ENTREP2: variants seen among roughly 807,000 people sequenced by gnomAD.
The protein encoded by ENTREP2 is endosomal transmembrane epsin interactor 2.
the ENTREP2 span, among the ~76,000 whole-genome samples, chr15:29,408,043 T>A: frequency 6.6e-6 from 1 of 151,978 alleles, no homozygotes; most frequent in Non-Finnish European, 1.5e-5. Context: ...GTAGGTGAAA[T>A]CTGAGGGACC....
the ENTREP2 span, among the ~76,000 whole-genome samples, chr15:29,356,345 C>T: frequency 1.6e-4 from 18 of 113,674 alleles, no homozygotes; most frequent in Non-Finnish European, 2.5e-4. Flanking sequence ...CTCGCTCTGT[C>T]GCCCAGGCTG....
the ENTREP2 span, chr15:29,269,647 T>C: frequency 1.1e-5 from 17 of 1,572,762 alleles, no homozygotes; most frequent in South Asian, 2.0e-4. Flanking sequence ...ATGGCTCCAG[T>C]CTCTGTCCCT....
the ENTREP2 span, among the ~76,000 whole-genome samples, chr15:29,255,057 A>C: frequency 6.6e-6 from 1 of 152,170 alleles, no homozygotes; most frequent in Admixed American, 6.5e-5. Context: ...CTTTCAACAC[A>C]ACTCCAGTAG....
chr15:29,623,727 A>G, the ENTREP2 span, among the ~76,000 whole-genome samples: 1 of 152,134 alleles, frequency 6.6e-6, no homozygotes, highest in Non-Finnish European at 1.5e-5. Context: ...GGAGAAAAAA[A>G]GTCACTACTG....
the ENTREP2 span, among the ~76,000 whole-genome samples, chr15:29,330,450 A>G: frequency 6.6e-6 from 1 of 152,088 alleles, no homozygotes; most frequent in African/African-American, 2.4e-5. Context: ...CTCTGTCTCA[A>G]AAAAAATAAA....
the ENTREP2 span, among the ~76,000 whole-genome samples, chr15:29,144,966 G>C: frequency 3.2e-3 from 487 of 152,288 alleles, no homozygotes; most frequent in African/African-American, 0.011. Flanking sequence ...TGAGGCAGGA[G>C]AATCACTTGA....
At chr15:29,585,176 A>G in the ENTREP2 span, among the ~76,000 whole-genome samples, 1 of 152,196 alleles carries the variant, frequency 6.6e-6, no homozygotes, top group Non-Finnish European at 1.5e-5. Flanking sequence ...TGAGTGCTTT[A>G]TAAGACAACA....
chr15:29,564,250 G>C, the ENTREP2 span, among the ~76,000 whole-genome samples: 25 of 152,342 alleles, frequency 1.6e-4, no homozygotes, highest in Admixed American at 1.2e-3. Flanking sequence ...AGCTCAGAAA[G>C]ATCTCTTGCC....
the ENTREP2 span, among the ~76,000 whole-genome samples, chr15:29,564,656 T>C: frequency 5.9e-5 from 9 of 152,146 alleles, no homozygotes; most frequent in East Asian, 1.9e-4. Flanking sequence ...CAGACTTCCA[T>C]CCTACTTTAA....
At chr15:29,212,290 A>C in the ENTREP2 span, among the ~76,000 whole-genome samples, 1 of 151,888 alleles carries the variant, frequency 6.6e-6, no homozygotes, top group Non-Finnish European at 1.5e-5. Flanking sequence ...GCCTTGAATG[A>C]TCTTTTGTGT....
the ENTREP2 span, among the ~76,000 whole-genome samples, chr15:29,444,046 G>A: frequency 6.6e-6 from 1 of 152,156 alleles, no homozygotes; most frequent in Non-Finnish European, 1.5e-5. Flanking sequence ...GGAGCTTGCA[G>A]TGAGCCGAGA....
chr15:29,504,470 A>G, the ENTREP2 span, among the ~76,000 whole-genome samples: 1 of 152,364 alleles, frequency 6.6e-6, no homozygotes, highest in South Asian at 2.1e-4. Context: ...GAAATGAAGT[A>G]AAAGAGAAAT....
At chr15:29,514,994 C>A in the ENTREP2 span, among the ~76,000 whole-genome samples, 1 of 152,186 alleles carries the variant, frequency 6.6e-6, no homozygotes, top group Non-Finnish European at 1.5e-5. Flanking sequence ...TAGGAAAGAA[C>A]GGCCCCTTGA....
chr15:29,571,414 G>A, the ENTREP2 span, among the ~76,000 whole-genome samples: 1 of 152,130 alleles, frequency 6.6e-6, no homozygotes, highest in Non-Finnish European at 1.5e-5. Context: ...AGACAGGAGG[G>A]AAATTCCGAG....
the ENTREP2 span, among the ~76,000 whole-genome samples, chr15:29,444,354 C>T: frequency 6.6e-6 from 1 of 152,132 alleles, no homozygotes; most frequent in African/African-American, 2.4e-5. Flanking sequence ...CACGGCTATC[C>T]GTTGCGGGGT....
At chr15:29,255,173 T>A in the ENTREP2 span, among the ~76,000 whole-genome samples, 2 of 152,186 alleles carry the variant, frequency 1.3e-5, no homozygotes, top group African/African-American at 4.8e-5. Flanking sequence ...TAAGTCCAGG[T>A]TCCATTCAAT....
the ENTREP2 span, among the ~76,000 whole-genome samples, chr15:29,405,206 T>C: frequency 1.3e-5 from 2 of 152,054 alleles, no homozygotes; most frequent in South Asian, 2.1e-4. Context: ...CTGGCCAACA[T>C]GGTGAAACCC....
chr15:29,601,255 A>G, the ENTREP2 span, among the ~76,000 whole-genome samples: 1 of 152,132 alleles, frequency 6.6e-6, no homozygotes, highest in African/African-American at 2.4e-5. Flanking sequence ...TCTTACTGGC[A>G]GTTATAAACA....
chr15:29,386,886 A>G, the ENTREP2 span, among the ~76,000 whole-genome samples: 1 of 152,218 alleles, frequency 6.6e-6, no homozygotes, highest in Non-Finnish European at 1.5e-5. Context: ...TATCAGCTTA[A>G]GGAGATTTTG....
Sources: allele counts gnomAD v4.1 joint callset (sites outside exome capture counted in the v4.1 genomes callset), GRCh38; gene constraint gnomAD v4.1.1; transcripts MANE v1.5; gene names NCBI Gene and HGNC (gene_info 2026-07-23, HGNC 2026-07-21).